LCORL: variants seen among roughly 807,000 people sequenced by gnomAD.
LCORL encodes ligand dependent nuclear receptor corepressor like.
A neutral mutation model predicts 141.8 loss-of-function variants in LCORL; 41 were observed. That is an observed-to-expected ratio of 0.29 (90% CI 0.23 to 0.38). The LOEUF is 0.38. Among genes scored for constraint, LCORL ranks in the 10% least tolerant of loss-of-function variants. The probability of loss-of-function intolerance (pLI) is 1.00; values close to 1 mark genes in which losing one functional copy is unlikely to be tolerated. For synonymous variants in LCORL, 618 were observed against 694.1 expected (o/e 0.89, Z 1.72); for missense variants, 1,759 against 2,035.0 (o/e 0.86, Z 2.61).
intron 2 of LCORL, among the ~76,000 whole-genome samples, chr4:17,966,815 G>C (rs1227211680): frequency 6.6e-6 from 1 of 152,138 alleles, no homozygotes; most frequent in Non-Finnish European, 1.5e-5. Context: ...GCAGCAACAG[G>C]AACTTTCATC....
At chr4:17,929,984 G>C (rs1459043673) in intron 4 of LCORL, among the ~76,000 whole-genome samples, 1 of 152,102 alleles carries the variant, frequency 6.6e-6, no homozygotes, top group Non-Finnish European at 1.5e-5. Flanking sequence ...GTTACTGATG[G>C]CTTATAAGTA....
chr4:18,000,993 G>A (rs1397515745), intron 1 of LCORL, among the ~76,000 whole-genome samples: 1 of 152,172 alleles, frequency 6.6e-6, no homozygotes, highest in East Asian at 1.9e-4. Context: ...AAGCCCACAG[G>A]CATAGTGTTT....
At chr4:17,883,769 A>G in intron 6 of LCORL, 1 of 1,547,934 alleles carries the variant, frequency 6.5e-7, no homozygotes, top group Non-Finnish European at 8.7e-7. Flanking sequence ...TGAATCTGTC[A>G]TATTATATAA....
exon 5 of LCORL, chr4:17,909,123 T>G (rs1304666885): frequency 4.4e-6 from 7 of 1,603,056 alleles, no homozygotes; most frequent in Non-Finnish European, 6.0e-6. Context: ...TTGCATTCGA[T>G]TCACAGTGAG....
At chr4:17,860,262 C>T (rs945411554) in intron 7 of LCORL, among the ~76,000 whole-genome samples, 1 of 152,126 alleles carries the variant, frequency 6.6e-6, no homozygotes, top group African/African-American at 2.4e-5. Flanking sequence ...GAGACATACC[C>T]GAGACTGGGC....
At position 17,972,887 on chromosome 4, in the gene LCORL, T is replaced by A; in HGVS notation, c.155-2A>T. On this transcript the variant is annotated splice_acceptor_variant, in intron 1 of 7. Coordinates refer to ENST00000635767, the Ensembl canonical transcript of LCORL. LOFTEE classifies it high-confidence loss of function. ...GCCCTTCTAAAATACTCTCAAAACCTGTGTTTTTAGAGAGAGAAAAGTATA... is the reference window on the plus strand; with the variant it reads ...GCCCTTCTAAAATACTCTCAAAACCAGTGTTTTTAGAGAGAGAAAAGTATA... 2.2e-6 allele frequency: 3 copies of A among 1,386,478 alleles called. No homozygotes were observed. Among genetic ancestry groups the A allele is most frequent in the Non-Finnish European group, 2.8e-6 (3 of 1,056,322 alleles). The allele number at this position is 1,386,478 out of a possible 1,614,324, so 85.9% of individuals were successfully genotyped here.
intron 1 of LCORL, among the ~76,000 whole-genome samples, chr4:17,998,698 T>G (rs1009848785): frequency 1.3e-5 from 2 of 151,864 alleles, no homozygotes; most frequent in African/African-American, 4.8e-5. Flanking sequence ...TCGGACATGG[T>G]GTTCATGCCT....
At chr4:17,934,971 C>A (rs555164363) in intron 4 of LCORL, among the ~76,000 whole-genome samples, 1 of 152,240 alleles carries the variant, frequency 6.6e-6, no homozygotes, top group East Asian at 1.9e-4. Flanking sequence ...ATGTAACTAA[C>A]TGCCCACTCA....
At chr4:17,966,918 C>T (rs1274475819) in intron 2 of LCORL, among the ~76,000 whole-genome samples, 1 of 152,082 alleles carries the variant, frequency 6.6e-6, no homozygotes, top group Non-Finnish European at 1.5e-5. Flanking sequence ...AATGATGCTC[C>T]TAAATATTTA....
intron 7 of LCORL, among the ~76,000 whole-genome samples, chr4:17,861,178 T>C (rs1724968468): frequency 6.6e-6 from 1 of 152,238 alleles, no homozygotes; most frequent in Non-Finnish European, 1.5e-5. Flanking sequence ...TGCACTGCCC[T>C]AGCAGAGGTT....
In LCORL at chr4:17,877,523, A is replaced by G; in HGVS notation, c.1467T>C (p.Ser489=). The G allele has an allele frequency of 2.4e-6, 3 of 1,230,182 alleles. No individual in the cohort carries two copies. In the East Asian group the frequency reaches 9.5e-5, roughly 39 times the overall value. The allele number at this position is 1,230,182 out of a possible 1,614,324, so 76.2% of individuals were successfully genotyped here. The change falls in exon 7 of 8, where the codon AGT becomes AGC. Residue 489 remains serine (S), a synonymous_variant. Coordinates refer to ENST00000635767, the Ensembl canonical transcript of LCORL. Reference sequence around the variant, plus strand: ...TTTTAAGTATTTTATCTTGATGATCACTCTTATTGCTGCTGATTTCTGCTG... The same window carrying G: ...TTTTAAGTATTTTATCTTGATGATCGCTCTTATTGCTGCTGATTTCTGCTG...
exon 4 of LCORL, chr4:17,961,943 G>C: frequency 1.2e-6 from 2 of 1,609,758 alleles, no homozygotes; most frequent in Non-Finnish European, 8.5e-7. Flanking sequence ...TTTCTGCTTG[G>C]CATTCAATCT....
chr4:17,896,791 T>C lies in LCORL; in HGVS notation c.683-10630A>G, dbSNP rs185471303. ...AAACTGTTATTGACTACAGTCATCCTATTGTGCTCTCAAATACTAGATCTT... is the reference window on the plus strand; with the variant it reads ...AAACTGTTATTGACTACAGTCATCCCATTGTGCTCTCAAATACTAGATCTT... On this transcript the variant is annotated intron_variant, in intron 5 of 7. Coordinates refer to ENST00000635767, the Ensembl canonical transcript of LCORL. 8.9e-4 allele frequency among the ~76,000 whole-genome samples: 135 copies of C among 152,354 alleles called. 1 individual carries two copies. The Middle Eastern group carries it at 0.024, about 27-fold the overall frequency.
At chr4:17,964,859 T>C (rs1405793905) in intron 2 of LCORL, among the ~76,000 whole-genome samples, 3 of 143,850 alleles carry the variant, frequency 2.1e-5, no homozygotes, top group Non-Finnish European at 3.0e-5. Context: ...AAGGAAATCT[T>C]ACTGCCCTTT....
At chr4:17,948,061 A>AAGC (rs889522236) in intron 4 of LCORL, among the ~76,000 whole-genome samples, 1 of 152,042 alleles carries the variant, frequency 6.6e-6, no homozygotes, top group African/African-American at 2.4e-5. Context: ...TGTTGATACT[A>AAGC]AGCAGCAGCA....
intron 1 of LCORL, among the ~76,000 whole-genome samples, chr4:18,009,328 TCCCTACACGGACA>T (rs1337525456): frequency 6.6e-6 from 1 of 151,988 alleles, no homozygotes; most frequent in Non-Finnish European, 1.5e-5. Context: ...GCTGTCTCTT[TCCCTACACGGACA>T]CCCTCCTCAC....
At chr4:17,977,557 G>A (rs903236639) in intron 1 of LCORL, among the ~76,000 whole-genome samples, 5 of 152,134 alleles carry the variant, frequency 3.3e-5, no homozygotes. Flanking sequence ...GCTTACTTCA[G>A]ATACCTCTGT....
chr4:17,912,987 A>C, intron 4 of LCORL: 1 of 392,614 alleles, frequency 2.5e-6, no homozygotes, highest in Non-Finnish European at 5.0e-6. Flanking sequence ...AAGCCAGCAG[A>C]AGTAGGGTCC....
intron 1 of LCORL, among the ~76,000 whole-genome samples, chr4:17,987,753 T>C (rs1212942462): frequency 6.6e-6 from 1 of 152,248 alleles, no homozygotes; most frequent in East Asian, 1.9e-4. Context: ...TGAACATTTT[T>C]TCATGTGTTC....
Sources: gnomAD v4.1 joint callset for allele counts (sites outside exome capture counted in the v4.1 genomes callset) on GRCh38, gnomAD v4.1.1 for gene constraint, MANE v1.5 for transcripts, NCBI Gene and HGNC (gene_info 2026-07-23, HGNC 2026-07-21) for gene names.